The following P2RY2 variants were observed in gnomAD, a reference collection of about 807,000 sequenced individuals.
P2RY2 encodes the protein purinergic receptor P2Y2, also known as P2Y purinoceptor 2.
For missense variants in P2RY2, 567 were observed against 515.7 expected (o/e 1.10, Z -0.96); for synonymous variants, 241 against 231.9 (o/e 1.04, Z -0.35).
In P2RY2 at chr11:73,219,821, T is replaced by A. The variant is rs1273345413; in HGVS notation, c.-200+1389T>A. 2.6e-5 allele frequency among the ~76,000 whole-genome samples: 4 copies of A among 152,208 alleles called. No individual in the cohort carries two copies. The East Asian group carries it at 7.7e-4, about 29-fold the overall frequency. ...CCCTCCTACTCTCACCTTCCTCAAC[T>A]GGAGAACTACCCAGACTTGGGACCC... On this transcript the variant is annotated intron_variant, in intron 1 of 2. Transcript: ENST00000393597.
intron 2 of P2RY2, chr11:73,233,944 T>C (rs966216508): frequency 2.1e-4 from 128 of 599,382 alleles, no homozygotes; most frequent in Non-Finnish European, 3.1e-4. Flanking sequence ...CTTTGGACTA[T>C]AGTTTGTCTA....
At chr11:73,218,979 G>A (rs1241918928) in intron 1 of P2RY2, among the ~76,000 whole-genome samples, 2 of 152,200 alleles carry the variant, frequency 1.3e-5, no homozygotes, top group Non-Finnish European at 2.9e-5. Context: ...TTAAGCCTCT[G>A]TCCCCGGGCT....
intron 2 of P2RY2, 168 bp from the exon 3 acceptor site, chr11:73,233,988 T>C: frequency 1.4e-6 from 1 of 725,980 alleles, no homozygotes; most frequent in Non-Finnish European, 2.2e-6. Flanking sequence ...TGTGTGATCC[T>C]GATATTTATT....
chr11:73,236,410 A>G lies in P2RY2; in HGVS notation c.*1117A>G, dbSNP rs560139352. On this transcript the variant is annotated 3_prime_UTR_variant, in exon 3 of 3. Coordinates refer to ENST00000393597, the MANE Select transcript of P2RY2 (RefSeq NM_002564.4). ...CAGGTACAAGTCACTCTAGCACACC[A>G]CTGGATAATGCCGAGTGGCTGGGGC... 2 of 400,792 alleles carry G rather than the reference A, an allele frequency of 5.0e-6. No individual in the cohort carries two copies. The highest frequency in any genetic ancestry group is 7.0e-6 in the Non-Finnish European group (2 of 285,290). The allele number at this position is 400,792 out of a possible 1,614,324, so 24.8% of individuals were successfully genotyped here.
At chr11:73,228,745 T>C (rs1265735645) in intron 2 of P2RY2, among the ~76,000 whole-genome samples, 2 of 152,112 alleles carry the variant, frequency 1.3e-5, no homozygotes, top group African/African-American at 4.8e-5. Context: ...TTACTTAGGG[T>C]CAGCAGCTAA....
intron 1 of P2RY2, among the ~76,000 whole-genome samples, chr11:73,219,967 T>G (rs998725009): frequency 6.6e-6 from 1 of 152,188 alleles, no homozygotes; most frequent in African/African-American, 2.4e-5. Context: ...CGTCATGATC[T>G]ATGTCTGTCT....
At chr11:73,219,592 A>G (rs1862062409) in intron 1 of P2RY2, among the ~76,000 whole-genome samples, 1 of 152,198 alleles carries the variant, frequency 6.6e-6, no homozygotes, top group Non-Finnish European at 1.5e-5. Context: ...CCAGAATCCC[A>G]ACTGTGCCCC....
rs771823248 is a variant in P2RY2 at position 73,234,643 on chromosome 11, C to T, written c.484C>T (p.Leu162=). 2.5e-6 allele frequency: 4 copies of T among 1,577,052 alleles called. No individual in the cohort carries two copies. In the South Asian group the frequency reaches 4.7e-5, roughly 19 times the overall value. ...GGCCGGGGCCGTGTGGGTGTTGGTGCTGGCCTGCCAGGCCCCCGTGCTCTA... is the reference window on the plus strand; with the variant it reads ...GGCCGGGGCCGTGTGGGTGTTGGTGTTGGCCTGCCAGGCCCCCGTGCTCTA... ...RVAGAVWVLV[L]ACQAPVLYFV... The change falls in exon 3 of 3, where the codon CTG becomes TTG. Residue 162 remains leucine (L), a synonymous_variant. Transcript: ENST00000393597.
intron 2 of P2RY2, among the ~76,000 whole-genome samples, chr11:73,233,624 A>G (rs1862524912): frequency 6.6e-6 from 1 of 152,252 alleles, no homozygotes; most frequent in African/African-American, 2.4e-5. Context: ...AACTTCAAGT[A>G]GCTGGGACTA....
chr11:73,231,073 T>C (rs1197155250), intron 2 of P2RY2, among the ~76,000 whole-genome samples: 2 of 152,178 alleles, frequency 1.3e-5, no homozygotes, highest in East Asian at 3.8e-4. Flanking sequence ...AGCATCTACC[T>C]GTCTCTTCTT....
intron 1 of P2RY2, among the ~76,000 whole-genome samples, chr11:73,223,787 G>T (rs774288148): frequency 2.6e-5 from 4 of 152,218 alleles, no homozygotes; most frequent in Admixed American, 6.5e-5. Context: ...TCTGGGCTAT[G>T]CTGGGTTCCA....
chr11:73,222,136 G>T (rs1370760310), intron 1 of P2RY2, among the ~76,000 whole-genome samples: 1 of 152,146 alleles, frequency 6.6e-6, no homozygotes, highest in African/African-American at 2.4e-5. Flanking sequence ...GCTCCTGAAT[G>T]AGAGGCCTGG....
Position 73,234,840 on chromosome 11 carries a change from G to T in P2RY2, c.681G>T (p.Lys227Asn). 5.6e-6 allele frequency: 9 copies of T among 1,610,782 alleles called. No homozygotes were observed. Among genetic ancestry groups the T allele is most frequent in the Non-Finnish European group, 7.6e-6 (9 of 1,179,886 alleles). Reference sequence around the variant, plus strand: ...TGCTCATGGCTCGGCGACTGCTAAAGCCAGCCTACGGGACCTCGGGCGGCC... The same window carrying T: ...TGCTCATGGCTCGGCGACTGCTAAATCCAGCCTACGGGACCTCGGGCGGCC... ...CYVLMARRLL[K>N]PAYGTSGGLP... Residue 227 changes from lysine to asparagine, a missense_variant, in exon 3 of 3, where the codon AAG becomes AAT. Physicochemically the swap from Lys to Asn is moderately conservative, Grantham distance 94 (BLOSUM62 0). Transcript: ENST00000393597.
rs550223902 is a variant in P2RY2, at chr11:73,233,157, A to G, written c.-4-999A>G. Among the ~76,000 whole-genome samples, 334 of 152,286 alleles carry G rather than the reference A, an allele frequency of 2.2e-3. 2 individuals carry two copies. The highest frequency in any genetic ancestry group is 7.7e-3 in the African/African-American group (322 of 41,552). ...GAAGATCCCTTGGCCCCCTATCCCT[A>G]TCTCCAACCCAGATTTCCCTGGACT... On this transcript the variant is annotated intron_variant, in intron 2 of 2. Coordinates refer to ENST00000393597, the MANE Select transcript of P2RY2 (RefSeq NM_002564.4).
At chr11:73,223,512 C>A (rs1037473777) in intron 1 of P2RY2, among the ~76,000 whole-genome samples, 3 of 152,188 alleles carry the variant, frequency 2.0e-5, no homozygotes, top group African/African-American at 7.2e-5. Context: ...CCAAGGTGCA[C>A]CCACCTGCCC....
chr11:73,236,965 T>C lies in P2RY2; in HGVS notation c.*1672T>C. On this transcript the variant is annotated 3_prime_UTR_variant, in exon 3 of 3. Transcript: ENST00000393597. ...TCTCAAGGACAGGGACTCCCTCCTC[T>C]CCCTCTGGGAGAGCCCTCGCCCTGT... The C allele has an allele frequency of 4.1e-6, 4 of 985,134 alleles. No homozygotes were observed. Among genetic ancestry groups the C allele is most frequent in the Non-Finnish European group, 4.8e-6 (4 of 829,834 alleles). The allele number at this position is 985,134 out of a possible 1,614,324, so 61.0% of individuals were successfully genotyped here. A position where few individuals can be genotyped will look rare whatever the true frequency, so the allele number is the denominator to read the frequency against.
chr11:73,235,085 C>A lies in P2RY2; in HGVS notation c.926C>A (p.Ala309Asp). 6.2e-7 allele frequency: 1 copy of A among 1,608,022 alleles called. No individual in the cohort carries two copies. Residue 309 changes from alanine to aspartate, a missense_variant, in exon 3 of 3, where the codon GCT becomes GAT. Physicochemically the swap from Ala to Asp is moderately radical, Grantham distance 126 (BLOSUM62 -2). Coordinates refer to ENST00000393597, the MANE Select transcript of P2RY2 (RefSeq NM_002564.4). ...CTTGACCCCGTGCTCTACTTCCTGGCTGGGCAGAGGCTCGTACGCTTTGCC... is the reference window on the plus strand; with the variant it reads ...CTTGACCCCGTGCTCTACTTCCTGGATGGGCAGAGGCTCGTACGCTTTGCC... Reference protein sequence around the residue: ...SCLDPVLYFLAGQRLVRFARD... With the variant: ...SCLDPVLYFLDGQRLVRFARD...
In P2RY2 at chr11:73,227,985, C is replaced by T. The variant is rs1862327936; in HGVS notation, c.-195C>T. ...TCTACCTCCCTCTGTCTGCAGGAGCCCCTTGTGGCAGCAGCACTACCTGCC... is the reference window on the plus strand; with the variant it reads ...TCTACCTCCCTCTGTCTGCAGGAGCTCCTTGTGGCAGCAGCACTACCTGCC... On this transcript the variant is annotated 5_prime_UTR_variant, in exon 2 of 3. Transcript: ENST00000393597. The T allele has an allele frequency of 6.6e-6, 1 of 152,198 alleles. No individual in the cohort carries two copies. The highest frequency in any genetic ancestry group is 2.4e-5 in the African/African-American group (1 of 41,410). The allele number at this position is 152,198 out of a possible 1,614,324, so 9.4% of individuals were successfully genotyped here.
At chr11:73,231,955 C>G (rs1455137942) in intron 2 of P2RY2, among the ~76,000 whole-genome samples, 1 of 152,184 alleles carries the variant, frequency 6.6e-6, no homozygotes. Flanking sequence ...GAGGCTGAGA[C>G]AGGAGAATCG....
Sources: allele counts gnomAD v4.1 joint callset (sites outside exome capture counted in the v4.1 genomes callset), GRCh38; gene constraint gnomAD v4.1.1; transcripts MANE v1.5; gene names NCBI Gene and HGNC (gene_info 2026-07-23, HGNC 2026-07-21).